Variants in DCC observed in about 807,000 individuals in gnomAD.
DCC encodes the protein DCC netrin 1 receptor.
Under a neutral mutation model 172.5 loss-of-function variants are expected in DCC, and 58 were observed. The ratio of observed to expected loss-of-function variants is 0.34; its 90% CI spans 0.27 to 0.42. DCC has a LOEUF of 0.42. DCC is among the 10% of genes least tolerant of loss of function. The pLI is 1.00. For synonymous variants in DCC, 709 were observed against 644.5 expected (o/e 1.10, Z -1.52); for missense variants, 1,740 against 1,791.0 (o/e 0.97, Z 0.51).
chr18:52,343,573 G>A (rs750441191), intron 1 of DCC, among the ~76,000 whole-genome samples: 1 of 152,314 alleles, frequency 6.6e-6, no homozygotes, highest in South Asian at 2.1e-4. Context: ...TCTGTAAGAT[G>A]TCATCTTCTT....
At chr18:53,299,710 C>A (rs1034967893) in intron 12 of DCC, among the ~76,000 whole-genome samples, 11 of 152,146 alleles carry the variant, frequency 7.2e-5, no homozygotes, top group Non-Finnish European at 1.5e-4. Context: ...GAATGAGTAA[C>A]AACTAAATGA....
chr18:53,366,852 G>T (rs10515959), intron 15 of DCC, among the ~76,000 whole-genome samples: 35,717 of 152,096 alleles, frequency 0.23, 4,615 homozygotes, highest in East Asian at 0.42. Flanking sequence ...AGTAGAACGT[G>T]TGAGCACTCA....
intron 2 of DCC, among the ~76,000 whole-genome samples, chr18:52,807,626 A>G (rs2038112761): frequency 6.6e-6 from 1 of 152,192 alleles, no homozygotes; most frequent in Non-Finnish European, 1.5e-5. Flanking sequence ...CTCGCTTTTC[A>G]TTACATATCA....
At chr18:53,187,665 T>C (rs2055303738) in intron 9 of DCC, among the ~76,000 whole-genome samples, 1 of 152,222 alleles carries the variant, frequency 6.6e-6, no homozygotes, top group Non-Finnish European at 1.5e-5. Flanking sequence ...CTGTAATATA[T>C]GGTGAATTTT....
chr18:52,793,165 T>G (rs1006564692), intron 2 of DCC, among the ~76,000 whole-genome samples: 2 of 152,186 alleles, frequency 1.3e-5, no homozygotes, highest in Non-Finnish European at 2.9e-5. Context: ...ACATAGCCCA[T>G]GGGGAAGGAT....
At chr18:53,017,147 C>T (rs1599031648) in intron 5 of DCC, among the ~76,000 whole-genome samples, 1 of 149,362 alleles carries the variant, frequency 6.7e-6, no homozygotes, top group African/African-American at 2.5e-5. Flanking sequence ...GCCATCTCGG[C>T]TCACTGCAAG....
chr18:53,123,774 TCC>T (rs1270708335), intron 7 of DCC, among the ~76,000 whole-genome samples: 1 of 152,072 alleles, frequency 6.6e-6, no homozygotes, highest in Non-Finnish European at 1.5e-5. Flanking sequence ...TCTTCATCTC[TCC>T]CCTCTGTGAT....
chr18:53,430,790 T>G (rs1313397608), intron 21 of DCC, among the ~76,000 whole-genome samples: 1 of 152,114 alleles, frequency 6.6e-6, no homozygotes. Context: ...TGCACATCAC[T>G]TCAGTTAGCA....
chr18:53,108,768 A>G (rs557420681), intron 7 of DCC, among the ~76,000 whole-genome samples: 1 of 151,700 alleles, frequency 6.6e-6, no homozygotes, highest in African/African-American at 2.4e-5. Flanking sequence ...TAGTTTGCTC[A>G]ATGAATTGCT....
At chr18:52,902,818 C>G (rs1468861184) in intron 2 of DCC, among the ~76,000 whole-genome samples, 1 of 152,096 alleles carries the variant, frequency 6.6e-6, no homozygotes, top group Admixed American at 6.6e-5. Context: ...TGTAGAGTTT[C>G]CCATTTAGAG....
At chr18:52,723,013 A>G (rs1442353182) in intron 1 of DCC, among the ~76,000 whole-genome samples, 1 of 152,166 alleles carries the variant, frequency 6.6e-6, no homozygotes, top group Non-Finnish European at 1.5e-5. Flanking sequence ...TTCTTCCAGA[A>G]TTTGAGAGCA....
intron 8 of DCC, among the ~76,000 whole-genome samples, chr18:53,161,487 C>A (rs1272967624): frequency 6.6e-6 from 1 of 152,188 alleles, no homozygotes; most frequent in Non-Finnish European, 1.5e-5. Context: ...TCATTCACTT[C>A]TTGACTTTAT....
chr18:52,414,090 T>C (rs1250826340), intron 1 of DCC, among the ~76,000 whole-genome samples: 1 of 152,024 alleles, frequency 6.6e-6, no homozygotes, highest in Non-Finnish European at 1.5e-5. Context: ...ACTATTTATT[T>C]ATTTATTGAG....
intron 10 of DCC, among the ~76,000 whole-genome samples, chr18:53,207,166 G>A (rs908763155): frequency 3.9e-5 from 6 of 152,166 alleles, no homozygotes; most frequent in Non-Finnish European, 7.3e-5. Context: ...TTCACCTCCA[G>A]TATCTCATTT....
chr18:52,794,332 TTTCA>T (rs1200737959), intron 2 of DCC, among the ~76,000 whole-genome samples: 4 of 151,442 alleles, frequency 2.6e-5, no homozygotes, highest in Non-Finnish European at 5.9e-5. Context: ...CTTCAATTTC[TTTCA>T]TCATTTTTTT....
chr18:53,247,299 C>T (rs115673613), intron 12 of DCC, among the ~76,000 whole-genome samples: 352 of 152,044 alleles, frequency 2.3e-3, no homozygotes, highest in African/African-American at 8.0e-3. Context: ...AGAAATATGA[C>T]CCCCTTGAGT....
chr18:52,385,556 A>T (rs564350425), intron 1 of DCC, among the ~76,000 whole-genome samples: 1 of 152,042 alleles, frequency 6.6e-6, no homozygotes, highest in Non-Finnish European at 1.5e-5. Flanking sequence ...TCCAAAGAAG[A>T]TCCCATTCCA....
intron 7 of DCC, among the ~76,000 whole-genome samples, chr18:53,072,227 T>G (rs969913989): frequency 3.9e-5 from 6 of 152,154 alleles, no homozygotes; most frequent in Non-Finnish European, 5.9e-5. Flanking sequence ...AGGATCCCAT[T>G]GGCATACTGG....
At chr18:52,738,910 A>C (rs993411444) in intron 1 of DCC, among the ~76,000 whole-genome samples, 1 of 151,728 alleles carries the variant, frequency 6.6e-6, no homozygotes, top group Non-Finnish European at 1.5e-5. Context: ...TAAAAAAAAA[A>C]AAAAAAAAGA....
Sources: gnomAD v4.1 joint callset for allele counts (sites outside exome capture counted in the v4.1 genomes callset) on GRCh38, gnomAD v4.1.1 for gene constraint, MANE v1.5 for transcripts, NCBI Gene and HGNC (gene_info 2026-07-23, HGNC 2026-07-21) for gene names.